UBQLN4: variants seen among roughly 807,000 people sequenced by gnomAD.
The protein encoded by UBQLN4 is ubiquilin 4.
A neutral mutation model predicts 60.4 loss-of-function variants in UBQLN4; 11 were observed. The observed-to-expected ratio is 0.18, with a 90% CI of 0.11 to 0.30. UBQLN4 has a LOEUF of 0.30. Ranked by LOEUF, UBQLN4 falls within the 10% of genes least tolerant of loss-of-function variation. The pLI, the probability that UBQLN4 is intolerant of heterozygous loss-of-function variation, is 1.00. For synonymous variants in UBQLN4, 258 were observed against 313.1 expected (o/e 0.82, Z 1.86); for missense variants, 417 against 795.5 (o/e 0.52, Z 5.72).
At chr1:156,046,277 CAGG>C (rs1205194056) in intron 5 of UBQLN4, among the ~76,000 whole-genome samples, 1 of 145,418 alleles carries the variant, frequency 6.9e-6, no homozygotes, top group Non-Finnish European at 1.5e-5. Context: ...CACCTGAGGT[CAGG>C]AGTTCGAGAC....
rs759268789 is a variant in UBQLN4 at position 156,044,122 on chromosome 1, G to T, written c.1002C>A (p.Ser334Arg). Reference sequence around the variant, plus strand: ...GGGCCTGGGAGGTGGGGGGCGAGGGGCTCCAGGGGTTAGGGAGGGGCTCTC... The same window carrying T: ...GGGCCTGGGAGGTGGGGGGCGAGGGTCTCCAGGGGTTAGGGAGGGGCTCTC... ...ENREPLPNPW[S>R]PSPPTSQAPG... Residue 334 changes from serine to arginine, a missense_variant, in exon 6 of 11, where the codon AGC becomes AGA. Physicochemically the swap from Ser to Arg is moderately radical, Grantham distance 110. Coordinates refer to ENST00000368309, the MANE Select transcript of UBQLN4 (RefSeq NM_020131.5). 4.4e-6 allele frequency: 7 copies of T among 1,586,856 alleles called. No homozygotes were observed. Among genetic ancestry groups the T allele is most frequent in the Non-Finnish European group, 6.0e-6 (7 of 1,166,998 alleles).
chr1:156,032,944 G>A (rs1373738932), downstream of UBQLN4, among the ~76,000 whole-genome samples: 1 of 152,192 alleles, frequency 6.6e-6, no homozygotes, highest in Non-Finnish European at 1.5e-5. Context: ...GGATGAGGAA[G>A]AGGAGGAGGA....
rs1056766873 is a variant in UBQLN4 at position 156,050,196 on chromosome 1, G to C, written c.741+95C>G. On this transcript the variant is annotated intron_variant, in intron 4 of 10. Transcript: ENST00000368309. The surrounding 1 kb of genome is among the most constrained non-coding windows in gnomAD (Gnocchi z 4.6). ...CAGTGTTCAAAACTGCTGAATACAC[G>C]AATGAACAAATCAATGTAGGACAAA... is the stretch of plus-strand genomic sequence containing the variant. 2.1e-6 allele frequency: 3 copies of C among 1,456,318 alleles called. No individual in the cohort carries two copies. The highest frequency in any genetic ancestry group is 1.5e-5 in the South Asian group (1 of 65,890). The allele number at this position is 1,456,318 out of a possible 1,614,324, so 90.2% of individuals were successfully genotyped here. A position where few individuals can be genotyped will look rare whatever the true frequency, so the allele number is the denominator to read the frequency against.
At position 156,036,741 on chromosome 1, in the gene UBQLN4, T is replaced by C. The variant is rs922396358; in HGVS notation, c.*237A>G. 5 of 1,280,638 alleles carry C rather than the reference T, an allele frequency of 3.9e-6. No individual in the cohort carries two copies. In the African/African-American group the frequency reaches 4.5e-5, roughly 11 times the overall value. 79.3% of individuals were successfully genotyped at this position (1,280,638 alleles called of 1,614,324 possible). A position where few individuals can be genotyped will look rare whatever the true frequency, so the allele number is the denominator to read the frequency against. ...AATCAATGAAACTGTGAAAACTGTT[T>C]AAGTAGCACTGCTCAAGGAGACCAG... On this transcript the variant is annotated 3_prime_UTR_variant, in exon 11 of 11. Transcript: ENST00000368309.
chr1:156,045,036 C>A (rs532599743), intron 5 of UBQLN4, among the ~76,000 whole-genome samples: 1 of 152,318 alleles, frequency 6.6e-6, no homozygotes, highest in Admixed American at 6.5e-5. Flanking sequence ...GGAACCTCCT[C>A]CCCTCCAGCA....
At chr1:156,045,849 T>C (rs1683683979) in intron 5 of UBQLN4, among the ~76,000 whole-genome samples, 1 of 152,158 alleles carries the variant, frequency 6.6e-6, no homozygotes, top group Non-Finnish European at 1.5e-5. Context: ...TAACTTGTAA[T>C]AATTTTTTTT....
chr1:156,051,069 C>T (rs748892583), intron 3 of UBQLN4, 41 bp downstream of exon 3: 1 of 1,592,690 alleles, frequency 6.3e-7, no homozygotes, highest in Admixed American at 1.7e-5. Context: ...CCCAACTCCC[C>T]AACCCCAAAC....
chr1:156,033,557 C>T (rs1683331172), downstream of UBQLN4, among the ~76,000 whole-genome samples: 1 of 151,918 alleles, frequency 6.6e-6, no homozygotes, highest in South Asian at 2.1e-4. Context: ...ATTAGCTGGG[C>T]ATGGGCTGGG....
chr1:156,050,616 A>G lies in UBQLN4; in HGVS notation c.479-63T>C. On this transcript the variant is annotated intron_variant, in intron 3 of 10. Transcript: ENST00000368309. This position sits in a 1 kb window ranked among gnomAD's most constrained non-coding sequence, Gnocchi z 4.6. ...ACAGTGTCCTCACTTAGCCAGAGCC[A>G]CTGAATTCAGATCTCCAGGACACGC... The G allele has an allele frequency of 6.6e-7, 1 of 1,521,466 alleles. No individual in the cohort carries two copies. The allele number at this position is 1,521,466 out of a possible 1,614,324, so 94.2% of individuals were successfully genotyped here.
chr1:156,039,678 C>T (rs902971079), intron 10 of UBQLN4, among the ~76,000 whole-genome samples: 1 of 151,970 alleles, frequency 6.6e-6, no homozygotes, highest in African/African-American at 2.4e-5. Flanking sequence ...TGGCTGACGC[C>T]AGTAATCCCA....
chr1:156,036,288 T>C lies in UBQLN4; in HGVS notation c.*690A>G, dbSNP rs578231561. ...CATTCCCTTCCTCCGAATAATCTCA[T>C]TCCCTCCTCTTTCACACGAATTTCC... On this transcript the variant is annotated 3_prime_UTR_variant, in exon 11 of 11. Coordinates refer to ENST00000368309, the MANE Select transcript of UBQLN4 (RefSeq NM_020131.5). The C allele has an allele frequency of 4.4e-5, 43 of 985,500 alleles. No individual in the cohort carries two copies. The highest frequency in any genetic ancestry group is 1.1e-4 in the East Asian group (1 of 8,968). The allele number at this position is 985,500 out of a possible 1,614,324, so 61.0% of individuals were successfully genotyped here.
At position 156,050,614 on chromosome 1, in the gene UBQLN4, C is replaced by A; in HGVS notation, c.479-61G>T. 2 of 1,523,210 alleles carry A rather than the reference C, an allele frequency of 1.3e-6. No homozygotes were observed. The highest frequency in any genetic ancestry group is 4.6e-5 in the East Asian group (2 of 43,294). 94.4% of individuals were successfully genotyped at this position (1,523,210 alleles called of 1,614,324 possible). ...GAACAGTGTCCTCACTTAGCCAGAG[C>A]CACTGAATTCAGATCTCCAGGACAC... On this transcript the variant is annotated intron_variant, in intron 3 of 10. Transcript: ENST00000368309. This position sits in a 1 kb window ranked among gnomAD's most constrained non-coding sequence, Gnocchi z 4.6.
At chr1:156,033,144 A>G (rs777793884), downstream of UBQLN4, 30 of 895,544 alleles carry the variant, frequency 3.3e-5, no homozygotes, top group South Asian at 1.4e-3. Flanking sequence ...CTGCTGCCAC[A>G]GGAAGCAGAA....
Position 156,051,305 on chromosome 1 carries a change from T to G in UBQLN4, c.283A>C (p.Thr95Pro), listed in dbSNP as rs1452002162. 6.4e-7 allele frequency: 1 copy of G among 1,555,780 alleles called. No individual in the cohort carries two copies. Among genetic ancestry groups the G allele is most frequent in the African/African-American group, 1.4e-5 (1 of 73,258 alleles). Reference sequence around the variant, plus strand: ...TCAGGTGTGGAGGGGGAAGAAGCAGTGGCAGCAGCTGGATCTTGAGCCCTG... The same window carrying G: ...TCAGGTGTGGAGGGGGAAGAAGCAGGGGCAGCAGCTGGATCTTGAGCCCTG... ...PQKAQDPAAA[T>P]ASSPSTPDPA... is the part of the protein sequence containing the mutation. The change falls in exon 3 of 11, where the codon ACT becomes CCT. Residue 95 changes from threonine (T) to proline (P), a missense_variant. Transcript: ENST00000368309.
chr1:156,044,940 C>T (rs1215139164), intron 5 of UBQLN4, among the ~76,000 whole-genome samples: 1 of 152,154 alleles, frequency 6.6e-6, no homozygotes, highest in Non-Finnish European at 1.5e-5. Context: ...TCTGGTCCCC[C>T]TTGCCCTACC....
chr1:156,036,546 G>A lies in UBQLN4; in HGVS notation c.*432C>T. On this transcript the variant is annotated 3_prime_UTR_variant, in exon 11 of 11. Coordinates refer to ENST00000368309, the MANE Select transcript of UBQLN4 (RefSeq NM_020131.5). ...GGTTGGGCTAGGGGTTGGGGGGTAG[G>A]GAGAAAAAGAAGGAAGAGAGTTACC... The A allele has an allele frequency of 2.0e-6, 2 of 987,930 alleles. No individual in the cohort carries two copies. Among genetic ancestry groups the A allele is most frequent in the Non-Finnish European group, 2.4e-6 (2 of 831,464 alleles). The allele number at this position is 987,930 out of a possible 1,614,324, so 61.2% of individuals were successfully genotyped here.
chr1:156,042,468 T>C, intron 7 of UBQLN4: 2 of 1,376,924 alleles, frequency 1.5e-6, no homozygotes, highest in Non-Finnish European at 1.9e-6. Flanking sequence ...CTGATGATGA[T>C]GAGGACAGCT....
chr1:156,039,957 AAAAG>A (rs1683510206), intron 10 of UBQLN4, among the ~76,000 whole-genome samples: 2 of 150,538 alleles, frequency 1.3e-5, no homozygotes, highest in Admixed American at 1.3e-4. Flanking sequence ...AAAAAAAAAA[AAAAG>A]ACTCTTATAG....
At chr1:156,042,104 G>T in intron 8 of UBQLN4, 49 bp downstream of exon 8, 1 of 1,608,590 alleles carries the variant, frequency 6.2e-7, no homozygotes, top group Non-Finnish European at 8.5e-7. Flanking sequence ...TTGGGCTTCA[G>T]GGACTACCCC....
Sources: allele counts gnomAD v4.1 joint callset (sites outside exome capture counted in the v4.1 genomes callset), GRCh38; gene constraint gnomAD v4.1.1; non-coding constraint Gnocchi (gnomAD v3.1); transcripts MANE v1.5; gene names NCBI Gene and HGNC (gene_info 2026-07-23, HGNC 2026-07-21).